SLC39A11: variants seen among roughly 807,000 people sequenced by gnomAD.
SLC39A11 encodes solute carrier family 39 member 11, also known as zinc transporter ZIP11.
Under a neutral mutation model 36.1 loss-of-function variants are expected in SLC39A11, and 33 were observed. That is an observed-to-expected ratio of 0.91 (90% CI 0.69 to 1.22). SLC39A11 has a LOEUF of 1.22. Among genes scored for constraint, SLC39A11 ranks in the 50% most tolerant of loss-of-function variants. SLC39A11 has a pLI of 0.00. For missense variants in SLC39A11, 432 were observed against 430.3 expected (o/e 1.00, Z -0.03); for synonymous variants, 166 against 170.3 (o/e 0.97, Z 0.20).
intron 7 of SLC39A11, among the ~76,000 whole-genome samples, chr17:72,700,643 G>A (rs1966619): frequency 0.063 from 9,651 of 152,222 alleles, 929 homozygotes; most frequent in African/African-American, 0.2. Flanking sequence ...GTATTAGTCC[G>A]TTTTCACGCT....
At chr17:73,090,988 C>G (rs1394162767) in intron 1 of SLC39A11, among the ~76,000 whole-genome samples, 1 of 152,172 alleles carries the variant, frequency 6.6e-6, no homozygotes, top group Non-Finnish European at 1.5e-5. Flanking sequence ...GGTCAGAGAA[C>G]CAGCAGCACT....
intron 4 of SLC39A11, among the ~76,000 whole-genome samples, chr17:72,981,226 G>C (rs1051105717): frequency 2.6e-5 from 4 of 151,996 alleles, no homozygotes; most frequent in Non-Finnish European, 5.9e-5. Flanking sequence ...TATATTTTTA[G>C]TAAGTCTTCA....
chr17:73,082,526 T>C (rs995190534), intron 3 of SLC39A11, among the ~76,000 whole-genome samples: 1 of 152,022 alleles, frequency 6.6e-6, no homozygotes, highest in Admixed American at 6.6e-5. Context: ...AAAGAGAAAA[T>C]GTGTTCATAT....
chr17:72,757,032 A>G (rs2144460678), intron 6 of SLC39A11, among the ~76,000 whole-genome samples: 1 of 150,802 alleles, frequency 6.6e-6, no homozygotes, highest in African/African-American at 2.4e-5. Flanking sequence ...CAGGCGTGGT[A>G]GCGGGTGCCT....
At chr17:72,959,023 T>C (rs1260785399) in intron 4 of SLC39A11, among the ~76,000 whole-genome samples, 2 of 152,010 alleles carry the variant, frequency 1.3e-5, no homozygotes, top group Non-Finnish European at 2.9e-5. Flanking sequence ...AAAGTAGATG[T>C]TTGCATAGAT....
intron 5 of SLC39A11, among the ~76,000 whole-genome samples, chr17:72,850,825 A>G (rs2079274889): frequency 6.6e-6 from 1 of 152,150 alleles, no homozygotes; most frequent in African/African-American, 2.4e-5. Context: ...TGTTAGTATC[A>G]TGTTCCCTCT....
At chr17:73,070,035 A>G (rs2060114725) in intron 3 of SLC39A11, among the ~76,000 whole-genome samples, 1 of 152,172 alleles carries the variant, frequency 6.6e-6, no homozygotes, top group South Asian at 2.1e-4. Flanking sequence ...TGACTCCCAC[A>G]AGTCTCTGCC....
intron 3 of SLC39A11, among the ~76,000 whole-genome samples, chr17:73,032,354 G>A (rs1369740271): frequency 6.6e-6 from 1 of 151,914 alleles, no homozygotes; most frequent in African/African-American, 2.4e-5. Flanking sequence ...TTATGGGTGT[G>A]TGCCACCACA....
chr17:72,927,473 T>C (rs1226251373), intron 5 of SLC39A11, among the ~76,000 whole-genome samples: 1 of 152,198 alleles, frequency 6.6e-6, no homozygotes, highest in Admixed American at 6.5e-5. Flanking sequence ...CAATGTTCAG[T>C]AGAATGGAAG....
intron 3 of SLC39A11, among the ~76,000 whole-genome samples, chr17:73,048,755 G>A (rs951926439): frequency 6.6e-6 from 1 of 152,168 alleles, no homozygotes; most frequent in Admixed American, 6.5e-5. Flanking sequence ...CACAAAAACT[G>A]GCCTACAAGC....
rs745580066 is a variant in SLC39A11, at chr17:72,743,221, G to A, written c.602-6502C>T. 5.3e-5 allele frequency among the ~76,000 whole-genome samples: 8 copies of A among 150,812 alleles called. No individual in the cohort carries two copies. In the East Asian group the frequency reaches 5.8e-4, roughly 11 times the overall value. On this transcript the variant is annotated intron_variant, in intron 6 of 9. Transcript: ENST00000255559. Reference sequence around the variant, plus strand: ...GGGGGCTAGAGCTGGGCCGTAAACCGCAGTCTCTCATTGTTTCCTGCCCCC... The same window carrying A: ...GGGGGCTAGAGCTGGGCCGTAAACCACAGTCTCTCATTGTTTCCTGCCCCC...
intron 4 of SLC39A11, among the ~76,000 whole-genome samples, chr17:73,010,437 C>T (rs1040015268): frequency 6.6e-6 from 1 of 152,104 alleles, no homozygotes; most frequent in Non-Finnish European, 1.5e-5. Context: ...TAAACAAAAG[C>T]GAGTTATAGG....
intron 7 of SLC39A11, among the ~76,000 whole-genome samples, chr17:72,654,044 C>T (rs571058907): frequency 2.6e-5 from 4 of 152,154 alleles, no homozygotes; most frequent in Admixed American, 6.5e-5. Flanking sequence ...CGTGTGTGTG[C>T]GGAAGGGTGG....
intron 5 of SLC39A11, among the ~76,000 whole-genome samples, chr17:72,907,777 C>G (rs2082734193): frequency 6.6e-6 from 1 of 152,220 alleles, no homozygotes; most frequent in African/African-American, 2.4e-5. Context: ...AGCCAACAAC[C>G]ACATGACACA....
intron 7 of SLC39A11, among the ~76,000 whole-genome samples, chr17:72,706,499 T>C (rs551555643): frequency 2.9e-4 from 44 of 152,176 alleles, no homozygotes; most frequent in Non-Finnish European, 5.3e-4. Context: ...AAGAACACTC[T>C]GGCAAAGAAA....
intron 7 of SLC39A11, 87 bp downstream of exon 7, chr17:72,736,563 G>T: frequency 1.7e-6 from 2 of 1,152,164 alleles, no homozygotes; most frequent in Non-Finnish European, 2.6e-6. Context: ...GAACAATAAT[G>T]CACAGACAGC....
chr17:73,086,335 A>G (rs2060727466), intron 2 of SLC39A11, among the ~76,000 whole-genome samples: 1 of 150,752 alleles, frequency 6.6e-6, no homozygotes, highest in South Asian at 2.1e-4. Flanking sequence ...CTATTTCAAT[A>G]CAGATTTTTT....
chr17:73,031,801 T>C (rs745773791), intron 3 of SLC39A11, 87 bp from the exon 4 acceptor site: 164 of 1,355,760 alleles, frequency 1.2e-4, no homozygotes, highest in Middle Eastern at 5.3e-4. Context: ...GTGGCCCAGA[T>C]TGACCCCTAC....
intron 7 of SLC39A11, among the ~76,000 whole-genome samples, chr17:72,703,359 T>C (rs2072736849): frequency 6.6e-6 from 1 of 152,188 alleles, no homozygotes; most frequent in Non-Finnish European, 1.5e-5. Flanking sequence ...TATGCAAAGC[T>C]GATGGCCTTT....
Sources: allele counts gnomAD v4.1 joint callset (sites outside exome capture counted in the v4.1 genomes callset), GRCh38; gene constraint gnomAD v4.1.1; transcripts MANE v1.5; gene names NCBI Gene and HGNC (gene_info 2026-07-23, HGNC 2026-07-21).